The following DAP variants were observed in gnomAD, a reference collection of about 807,000 sequenced individuals.
DAP encodes death associated protein.
DAP carries 8 observed loss-of-function variants against 13.8 expected under a neutral mutation model. The ratio of observed to expected loss-of-function variants is 0.58; its 90% CI spans 0.34 to 1.05. DAP has a LOEUF of 1.05. Ranked by LOEUF, DAP falls within the 50% of genes least tolerant of loss-of-function variation. DAP has a pLI of 0.03. For synonymous variants in DAP, 47 were observed against 47.5 expected (o/e 0.99, Z 0.04); for missense variants, 106 against 133.2 (o/e 0.80, Z 1.01).
chr5:10,700,424 G>A (rs1738548656), intron 2 of DAP, among the ~76,000 whole-genome samples: 1 of 152,226 alleles, frequency 6.6e-6, no homozygotes, highest in African/African-American at 2.4e-5. Context: ...GGCCAAAGGA[G>A]GAACTGGAGG....
At chr5:10,687,506 T>G (rs894954402) in intron 2 of DAP, among the ~76,000 whole-genome samples, 1 of 151,900 alleles carries the variant, frequency 6.6e-6, no homozygotes, top group Non-Finnish European at 1.5e-5. Context: ...GGTTCAAGAC[T>G]TCACTGGAGG....
At chr5:10,700,724 T>A (rs537705335) in intron 2 of DAP, among the ~76,000 whole-genome samples, 91 of 152,314 alleles carry the variant, frequency 6.0e-4, no homozygotes, top group Non-Finnish European at 1.1e-3. Context: ...ACCACCCAGA[T>A]GGGGCCGGCC....
chr5:10,760,368 A>G (rs1740310645), intron 1 of DAP, among the ~76,000 whole-genome samples: 1 of 152,174 alleles, frequency 6.6e-6, no homozygotes, highest in Non-Finnish European at 1.5e-5. Context: ...TGGCAGAAGC[A>G]TGAAGGCTGC....
At chr5:10,736,453 T>C (rs1739614926) in intron 2 of DAP, among the ~76,000 whole-genome samples, 2 of 152,054 alleles carry the variant, frequency 1.3e-5, no homozygotes, top group South Asian at 2.1e-4. Flanking sequence ...ACGCCAACCC[T>C]CCCTGGGCAG....
chr5:10,746,566 G>C (rs2126677180), intron 2 of DAP, among the ~76,000 whole-genome samples: 2 of 152,258 alleles, frequency 1.3e-5, no homozygotes, highest in South Asian at 4.1e-4. Context: ...CTGACCTCAA[G>C]TGATCCACCC....
intron 2 of DAP, among the ~76,000 whole-genome samples, chr5:10,721,890 T>G (rs1369410530): frequency 2.0e-5 from 3 of 152,258 alleles, no homozygotes; most frequent in Non-Finnish European, 4.4e-5. Context: ...TTGTATTTCC[T>G]TTTCCTTTAT....
chr5:10,696,830 C>A (rs5745257), intron 2 of DAP, among the ~76,000 whole-genome samples: 1 of 152,124 alleles, frequency 6.6e-6, no homozygotes, highest in African/African-American at 2.4e-5. Context: ...CTAAGCATTG[C>A]GCTGTGCCAT....
Position 10,680,308 on chromosome 5 carries a change from C to G in DAP, c.*748G>C, listed in dbSNP as rs1421377241. 1 of 198,504 alleles carries G rather than the reference C, an allele frequency of 5.0e-6. No individual in the cohort carries two copies. Among genetic ancestry groups the G allele is most frequent in the African/African-American group, 2.4e-5 (1 of 42,416 alleles). The allele number at this position is 198,504 out of a possible 1,614,324, so 12.3% of individuals were successfully genotyped here. On this transcript the variant is annotated 3_prime_UTR_variant, in exon 4 of 4. Coordinates refer to ENST00000230895, the MANE Select transcript of DAP (RefSeq NM_004394.3). Reference sequence around the variant, plus strand: ...TCTGAAGTGGCTCAGGAGGTGACTCCTGAAAGGCAGCCCTTGCTTGATCTC... The same window carrying G: ...TCTGAAGTGGCTCAGGAGGTGACTCGTGAAAGGCAGCCCTTGCTTGATCTC...
intron 2 of DAP, among the ~76,000 whole-genome samples, chr5:10,690,829 CTG>C (rs1376231917): frequency 6.6e-6 from 1 of 152,180 alleles, no homozygotes; most frequent in Non-Finnish European, 1.5e-5. Context: ...TATGGTAATT[CTG>C]TGTTTAACTT....
chr5:10,704,422 G>C (rs1738652052), intron 2 of DAP, among the ~76,000 whole-genome samples: 1 of 151,928 alleles, frequency 6.6e-6, no homozygotes, highest in African/African-American at 2.4e-5. Context: ...GGAGACATGG[G>C]CACTTTCCGC....
chr5:10,728,479 C>G (rs749304781), intron 2 of DAP, among the ~76,000 whole-genome samples: 7 of 152,150 alleles, frequency 4.6e-5, no homozygotes, highest in Non-Finnish European at 1.0e-4. Context: ...TTCTTTTGCC[C>G]TATTTTCAGA....
chr5:10,708,469 AT>A (rs1252480112), intron 2 of DAP, among the ~76,000 whole-genome samples: 3 of 150,716 alleles, frequency 2.0e-5, no homozygotes, highest in African/African-American at 5.0e-5. Context: ...ACACACGCAC[AT>A]ATCTCCCTAA....
At chr5:10,744,128 G>A (rs1739840309) in intron 2 of DAP, among the ~76,000 whole-genome samples, 2 of 152,104 alleles carry the variant, frequency 1.3e-5, no homozygotes, top group Admixed American at 1.3e-4. Flanking sequence ...TAATGGGGAA[G>A]GAAGCCACCA....
chr5:10,721,141 G>T (rs951511385), intron 2 of DAP, among the ~76,000 whole-genome samples: 1 of 152,152 alleles, frequency 6.6e-6, no homozygotes, highest in Non-Finnish European at 1.5e-5. Flanking sequence ...CTGGGGCAAA[G>T]TTCTCCAAAA....
intron 2 of DAP, among the ~76,000 whole-genome samples, chr5:10,742,890 ATT>A (rs1223062281): frequency 1.3e-5 from 2 of 151,802 alleles, no homozygotes; most frequent in Non-Finnish European, 2.9e-5. Context: ...ATCCATATTC[ATT>A]TCTGTATATC....
At chr5:10,717,044 C>T (rs1480146278) in intron 2 of DAP, among the ~76,000 whole-genome samples, 1 of 152,216 alleles carries the variant, frequency 6.6e-6, no homozygotes, top group Non-Finnish European at 1.5e-5. Flanking sequence ...TCCTGATTCA[C>T]CGCTTGTGAG....
In DAP at chr5:10,680,973, G is replaced by A. The variant is rs1226907637; in HGVS notation, c.*83C>T. The A allele has an allele frequency of 1.2e-5, 19 of 1,545,466 alleles. No individual in the cohort carries two copies. Among genetic ancestry groups the A allele is most frequent in the Non-Finnish European group, 1.7e-5 (19 of 1,147,092 alleles). On this transcript the variant is annotated 3_prime_UTR_variant, in exon 4 of 4. Transcript: ENST00000230895. ...AGATTTCCCAGCAGAGTAGGATTTG[G>A]GCGAAACTGCTGGTTCTCTCTGTCA...
chr5:10,689,246 T>A (rs1258325969), intron 2 of DAP, among the ~76,000 whole-genome samples: 1 of 152,084 alleles, frequency 6.6e-6, no homozygotes, highest in Non-Finnish European at 1.5e-5. Flanking sequence ...CGCTCTTTCC[T>A]TTCCTAAACC....
intron 2 of DAP, among the ~76,000 whole-genome samples, chr5:10,725,756 G>T (rs1739273588): frequency 6.6e-6 from 1 of 152,196 alleles, no homozygotes; most frequent in African/African-American, 2.4e-5. Context: ...GAGCAGAAAC[G>T]GTGGGCAGGA....
Sources: gnomAD v4.1 joint callset for allele counts (sites outside exome capture counted in the v4.1 genomes callset) on GRCh38, gnomAD v4.1.1 for gene constraint, MANE v1.5 for transcripts, NCBI Gene and HGNC (gene_info 2026-07-23, HGNC 2026-07-21) for gene names.